Variants in FBXO4 observed in about 807,000 individuals in gnomAD.
The protein encoded by FBXO4 is F-box protein 4.
Under a neutral mutation model 43.7 loss-of-function variants are expected in FBXO4, and 36 were observed. The observed-to-expected ratio is 0.82, with a 90% CI of 0.63 to 1.09. The LOEUF (loss-of-function observed/expected upper bound fraction) is 1.09, where lower values mean the gene tolerates loss of function less well. FBXO4 is among the 50% of genes least tolerant of loss of function. FBXO4 has a pLI of 0.00. For missense variants in FBXO4, 435 were observed against 474.1 expected (o/e 0.92, Z 0.77); for synonymous variants, 180 against 165.6 (o/e 1.09, Z -0.67).
chr5:41,940,208 T>C (rs1347822455), intron 6 of FBXO4, among the ~76,000 whole-genome samples: 4 of 152,028 alleles, frequency 2.6e-5, no homozygotes, highest in Admixed American at 6.6e-5. Context: ...TGTATTATGC[T>C]TTATGGATCA....
chr5:42,026,989 G>A, the FBXO4 span, among the ~76,000 whole-genome samples: 1 of 151,876 alleles, frequency 6.6e-6, no homozygotes, highest in East Asian at 1.9e-4. Flanking sequence ...ATTCCTCAGA[G>A]ATATTGGCCT....
chr5:41,951,747 T>A, the FBXO4 span: 1 of 214,038 alleles, frequency 4.7e-6, no homozygotes, highest in Non-Finnish European at 9.3e-6. Flanking sequence ...GGAAAACCTG[T>A]GTGACCTAGA....
At chr5:41,970,076 G>T in the FBXO4 span, among the ~76,000 whole-genome samples, 1 of 151,988 alleles carries the variant, frequency 6.6e-6, no homozygotes, top group Non-Finnish European at 1.5e-5. Flanking sequence ...CTGTGAATTA[G>T]TTCTGTTTTA....
chr5:41,963,891 T>A, the FBXO4 span: 20 of 152,236 alleles, frequency 1.3e-4, 3 homozygotes, highest in African/African-American at 4.8e-4. Flanking sequence ...ACTGAAGCAG[T>A]GAGTGTGGAA....
chr5:41,969,314 G>A, the FBXO4 span, among the ~76,000 whole-genome samples: 1 of 152,132 alleles, frequency 6.6e-6, no homozygotes, highest in African/African-American at 2.4e-5. Flanking sequence ...ACAAACACTT[G>A]TGTAACCTAA....
At chr5:41,992,462 G>T in the FBXO4 span, among the ~76,000 whole-genome samples, 1 of 152,126 alleles carries the variant, frequency 6.6e-6, no homozygotes, top group East Asian at 1.9e-4. Flanking sequence ...TTGCTAAAAG[G>T]AAAAATGGAG....
chr5:41,943,876 T>G (rs1328663497), downstream of FBXO4, among the ~76,000 whole-genome samples: 1 of 152,038 alleles, frequency 6.6e-6, no homozygotes, highest in Non-Finnish European at 1.5e-5. Flanking sequence ...GTCATATAGG[T>G]GGCCCTAATC....
At chr5:41,933,758 TA>T (rs1307097352) in intron 3 of FBXO4, among the ~76,000 whole-genome samples, 187 bp from the exon 4 acceptor site, 3 of 152,204 alleles carry the variant, frequency 2.0e-5, no homozygotes, top group Non-Finnish European at 4.4e-5. Flanking sequence ...TCTGTATTTT[TA>T]TTGTCATGTG....
chr5:41,992,085 A>G, the FBXO4 span, among the ~76,000 whole-genome samples: 5 of 152,188 alleles, frequency 3.3e-5, no homozygotes, highest in Non-Finnish European at 7.3e-5. Flanking sequence ...TCTCATAAAA[A>G]AATATATATA....
At chr5:41,937,159 C>A (rs1751873278) in intron 5 of FBXO4, among the ~76,000 whole-genome samples, 1 of 152,020 alleles carries the variant, frequency 6.6e-6, no homozygotes, top group South Asian at 2.1e-4. Flanking sequence ...AGACAACAAA[C>A]CACAGATTGA....
the FBXO4 span, among the ~76,000 whole-genome samples, chr5:42,010,596 A>G: frequency 1.1e-4 from 17 of 151,930 alleles, no homozygotes; most frequent in Admixed American, 5.9e-4. Flanking sequence ...CCATTCTTCC[A>G]CTGATGGACA....
the FBXO4 span, among the ~76,000 whole-genome samples, chr5:42,039,262 C>G: frequency 6.6e-6 from 1 of 152,128 alleles, no homozygotes; most frequent in East Asian, 1.9e-4. Flanking sequence ...CCTTTCATTT[C>G]TTGTTATTTG....
intron 5 of FBXO4, among the ~76,000 whole-genome samples, chr5:41,936,101 T>C (rs1384270311): frequency 6.6e-6 from 1 of 152,200 alleles, no homozygotes; most frequent in Non-Finnish European, 1.5e-5. Context: ...TCTTTATTGC[T>C]CTTCTACATA....
chr5:42,015,000 A>C, the FBXO4 span, among the ~76,000 whole-genome samples: 1 of 152,222 alleles, frequency 6.6e-6, no homozygotes, highest in Non-Finnish European at 1.5e-5. Context: ...AATTCTTGGC[A>C]CAAGGTGAGT....
chr5:42,029,085 T>A, the FBXO4 span, among the ~76,000 whole-genome samples: 884 of 152,180 alleles, frequency 5.8e-3, 3 homozygotes, highest in Admixed American at 0.012. Flanking sequence ...TCCTTTTCTT[T>A]CTTATTGAAG....
At chr5:41,953,955 A>T in the FBXO4 span, among the ~76,000 whole-genome samples, 2 of 152,218 alleles carry the variant, frequency 1.3e-5, no homozygotes, top group African/African-American at 4.8e-5. Flanking sequence ...AAAATCTCTG[A>T]ATAAGTAAAC....
the FBXO4 span, among the ~76,000 whole-genome samples, chr5:41,995,007 AC>A: frequency 6.6e-6 from 1 of 152,140 alleles, no homozygotes; most frequent in South Asian, 2.1e-4. Context: ...CTCCTGGAGA[AC>A]TTTTCCCAAG....
the FBXO4 span, among the ~76,000 whole-genome samples, chr5:41,992,107 C>G: frequency 1.3e-5 from 2 of 152,150 alleles, no homozygotes; most frequent in African/African-American, 4.8e-5. Context: ...ATACCTTCAT[C>G]TTCTATTTCC....
the FBXO4 span, among the ~76,000 whole-genome samples, chr5:42,031,811 G>T: frequency 0.016 from 2,436 of 151,930 alleles, 122 homozygotes; most frequent in East Asian, 0.1. Context: ...GGGCTTATTT[G>T]TACATGTCCT....
Sources: gnomAD v4.1 joint callset for allele counts (sites outside exome capture counted in the v4.1 genomes callset) on GRCh38, gnomAD v4.1.1 for gene constraint, MANE v1.5 for transcripts, NCBI Gene and HGNC (gene_info 2026-07-23, HGNC 2026-07-21) for gene names.